ELL2: variants seen among roughly 807,000 people sequenced by gnomAD.
ELL2 encodes the protein RNA polymerase II elongation factor ELL2.
In ELL2, 21 loss-of-function variants were observed where a neutral mutation model predicts 72.8. That is an observed-to-expected ratio of 0.29 (90% confidence interval 0.20 to 0.42). ELL2 has a LOEUF of 0.42. Ranked by LOEUF, ELL2 falls within the 10% of genes least tolerant of loss-of-function variation. The probability of loss-of-function intolerance (pLI) is 1.00; values close to 1 mark genes in which losing one functional copy is unlikely to be tolerated. For missense variants in ELL2, 568 were observed against 772.8 expected (o/e 0.73, Z 3.14); for synonymous variants, 266 against 283.2 (o/e 0.94, Z 0.61).
In ELL2 at chr5:95,936,142, G is replaced by A. The variant is rs1213984333; in HGVS notation, c.195+6860C>T. 3.3e-5 allele frequency among the ~76,000 whole-genome samples: 5 copies of A among 152,214 alleles called. No homozygotes were observed. The East Asian group carries it at 9.6e-4, about 29-fold the overall frequency. On this transcript the variant is annotated intron_variant, in intron 2 of 11. Coordinates refer to ENST00000237853, the MANE Select transcript of ELL2 (RefSeq NM_012081.6). ...GAACTTTTGTTTCAGTTGTGTGAAT[G>A]TCTACATCTATATGTGTAAAGCTAT...
chr5:95,946,276 G>A lies in ELL2; in HGVS notation c.148-3227C>T, dbSNP rs148328031. ...CTGCATCTGCAGCTAACAGGGGATA[G>A]TGGACAGAGCAGATATTCCCCAGGA... On this transcript the variant is annotated intron_variant, in intron 1 of 11. Transcript: ENST00000237853. Among the ~76,000 whole-genome samples, 268 of 152,298 alleles carry A rather than the reference G, an allele frequency of 1.8e-3. 1 individual carries two copies. Among genetic ancestry groups the A allele is most frequent in the South Asian group, 7.0e-3 (34 of 4,828 alleles).
At chr5:95,896,482 A>G (rs1350671278) in intron 8 of ELL2, among the ~76,000 whole-genome samples, 1 of 152,262 alleles carries the variant, frequency 6.6e-6, no homozygotes, top group Non-Finnish European at 1.5e-5. Flanking sequence ...CAAAACATAT[A>G]AAAGTGAATG....
At chr5:95,948,202 T>A (rs555866649) in intron 1 of ELL2, among the ~76,000 whole-genome samples, 1 of 152,144 alleles carries the variant, frequency 6.6e-6, no homozygotes, top group East Asian at 1.9e-4. Context: ...TTTGGGAGGC[T>A]GGGCGGATCA....
chr5:95,958,598 G>A (rs964040349), intron 1 of ELL2, among the ~76,000 whole-genome samples: 1 of 152,198 alleles, frequency 6.6e-6, no homozygotes, highest in African/African-American at 2.4e-5. Context: ...GTGTTTCCAT[G>A]GCTGAGCTGA....
rs370730762 is a variant in ELL2 at position 95,898,662 on chromosome 5, G to A, written c.1103C>T (p.Ala368Val). The change falls in exon 8 of 12, where the codon GCG becomes GTG. Residue 368 changes from alanine (A) to valine (V), a missense_variant. Coordinates refer to ENST00000237853, the MANE Select transcript of ELL2 (RefSeq NM_012081.6). ...KSAAGLPLPP[A>V]AAAIPTPPPL... is the part of the protein sequence containing the mutation. ...TGGAGGGGTAGGGATGGCAGCAGCC[G>A]CAGGGGGCAGCGGGAGGCCTGCAGC... The A allele has an allele frequency of 1.2e-5, 20 of 1,612,668 alleles. No individual in the cohort carries two copies. The highest frequency in any genetic ancestry group is 5.0e-5 in the Admixed American group (3 of 59,882).
At chr5:95,917,650 C>A (rs189075687) in intron 3 of ELL2, among the ~76,000 whole-genome samples, 1 of 152,274 alleles carries the variant, frequency 6.6e-6, no homozygotes. Flanking sequence ...TTTTATAAGG[C>A]ACCTTGGATT....
chr5:95,898,901 CT>C, intron 7 of ELL2, 91 bp from the exon 8 acceptor site: 1 of 913,738 alleles, frequency 1.1e-6, no homozygotes, highest in Non-Finnish European at 1.6e-6. Context: ...ACTAAGTAAC[CT>C]TACTTACTAT....
At chr5:95,892,715 A>C (rs1748713004) in intron 9 of ELL2, among the ~76,000 whole-genome samples, 1 of 152,200 alleles carries the variant, frequency 6.6e-6, no homozygotes, top group South Asian at 2.1e-4. Context: ...AGTTTGTTTA[A>C]ATTACTAATA....
At chr5:95,901,616 T>G (rs935574463) in intron 5 of ELL2, among the ~76,000 whole-genome samples, 1 of 152,208 alleles carries the variant, frequency 6.6e-6, no homozygotes, top group Non-Finnish European at 1.5e-5. Flanking sequence ...AACACTACTC[T>G]TGCGCTTTGG....
rs972256789 is a variant in ELL2, at chr5:95,892,210, G to T, written c.1590-936C>A. Among the ~76,000 whole-genome samples the T allele has an allele frequency of 2.0e-5, 3 of 151,534 alleles. No individual in the cohort carries two copies. The South Asian group carries it at 6.3e-4, about 32-fold the overall frequency. ...CGCCCAGGCCAGAGGGCAGTGGCGCGATCTCAGCTCACTGCAACCTCTACC... is the reference window on the plus strand; with the variant it reads ...CGCCCAGGCCAGAGGGCAGTGGCGCTATCTCAGCTCACTGCAACCTCTACC... On this transcript the variant is annotated intron_variant, in intron 9 of 11. Transcript: ENST00000237853.
intron 2 of ELL2, among the ~76,000 whole-genome samples, chr5:95,919,931 C>CT (rs962743285): frequency 2.6e-5 from 4 of 152,170 alleles, no homozygotes; most frequent in Non-Finnish European, 5.9e-5. Flanking sequence ...ACATGACCCC[C>CT]TTCTAAATAG....
At chr5:95,913,637 C>T in intron 4 of ELL2, 134 bp downstream of exon 4, 1 of 1,029,080 alleles carries the variant, frequency 9.7e-7, no homozygotes, top group South Asian at 2.0e-5. Flanking sequence ...CTTTGTTTTT[C>T]TCACCATGTT....
intron 1 of ELL2, among the ~76,000 whole-genome samples, chr5:95,960,966 C>T (rs947670373): frequency 6.6e-5 from 10 of 151,860 alleles, no homozygotes; most frequent in African/African-American, 2.4e-4. Context: ...TCTATGAGTA[C>T]ACCGTGTGCC....
At chr5:95,904,786 T>A (rs929473931) in intron 5 of ELL2, among the ~76,000 whole-genome samples, 1 of 140,852 alleles carries the variant, frequency 7.1e-6, no homozygotes, top group Non-Finnish European at 1.5e-5. Flanking sequence ...AGTCATTTTA[T>A]TTTTTTTTGT....
chr5:95,946,465 A>T lies in ELL2; in HGVS notation c.148-3416T>A, dbSNP rs150830905. 8.6e-3 allele frequency among the ~76,000 whole-genome samples: 1,307 copies of T among 152,278 alleles called. 17 individuals are homozygous for T. Among genetic ancestry groups the T allele is most frequent in the African/African-American group, 0.03 (1,262 of 41,550 alleles). On this transcript the variant is annotated intron_variant, in intron 1 of 11. Coordinates refer to ENST00000237853, the MANE Select transcript of ELL2 (RefSeq NM_012081.6). Reference sequence around the variant, plus strand: ...AAAAGCAAGACCCTTATCACCTCACAACTAGACAATGGCTTTTTCCCTTCC... The same window carrying T: ...AAAAGCAAGACCCTTATCACCTCACTACTAGACAATGGCTTTTTCCCTTCC...
chr5:95,900,306 A>C (rs2348984), intron 7 of ELL2: 58,179 of 155,430 alleles, frequency 0.37, 12,414 homozygotes, highest in African/African-American at 0.59. Flanking sequence ...CATTTTCCCC[A>C]AAAAATATTC....
intron 2 of ELL2, among the ~76,000 whole-genome samples, chr5:95,935,658 A>C (rs1161228754): frequency 6.6e-6 from 1 of 152,210 alleles, no homozygotes; most frequent in African/African-American, 2.4e-5. Flanking sequence ...TGATAGAATG[A>C]GGATTGGAGT....
chr5:95,916,112 A>T (rs1749784511), intron 3 of ELL2, among the ~76,000 whole-genome samples: 1 of 151,782 alleles, frequency 6.6e-6, no homozygotes, highest in Non-Finnish European at 1.5e-5. Flanking sequence ...AGTGTAGAAT[A>T]GTACACAGCT....
Position 95,888,628 on chromosome 5 carries a change from C to T in ELL2, c.*243G>A. ...AATATAGACAATGGATCCCCAATAC[C>T]TAAAAAAATTATTTCTATTAACAAA... On this transcript the variant is annotated 3_prime_UTR_variant, in exon 12 of 12. Coordinates refer to ENST00000237853, the MANE Select transcript of ELL2 (RefSeq NM_012081.6). 3.3e-6 allele frequency: 1 copy of T among 299,830 alleles called. No individual in the cohort carries two copies. Among genetic ancestry groups the T allele is most frequent in the Non-Finnish European group, 6.0e-6 (1 of 166,172 alleles). The allele number at this position is 299,830 out of a possible 1,614,324, so 18.6% of individuals were successfully genotyped here.
Sources: allele counts gnomAD v4.1 joint callset (sites outside exome capture counted in the v4.1 genomes callset), GRCh38; gene constraint gnomAD v4.1.1; transcripts MANE v1.5; gene names NCBI Gene and HGNC (gene_info 2026-07-23, HGNC 2026-07-21).